JPH1: variants seen among roughly 807,000 people sequenced by gnomAD.
JPH1 encodes junctophilin 1.
JPH1 carries 12 observed loss-of-function variants against 53.6 expected under a neutral mutation model. That is an observed-to-expected ratio of 0.22 (90% CI 0.14 to 0.36). The LOEUF is 0.36. JPH1 is among the 10% of genes least tolerant of loss of function. JPH1 has a pLI of 1.00. For synonymous variants in JPH1, 375 were observed against 363.8 expected (o/e 1.03, Z -0.35); for missense variants, 808 against 905.5 (o/e 0.89, Z 1.38).
intron 3 of JPH1, among the ~76,000 whole-genome samples, chr8:74,254,176 A>T (rs575559660): frequency 6.6e-6 from 1 of 152,234 alleles, no homozygotes; most frequent in African/African-American, 2.4e-5. Context: ...CCAGCAACAC[A>T]TCAAAAAGCT....
At chr8:74,237,120 C>A (rs546213366) in intron 5 of JPH1, 85 bp from the exon 6 acceptor site, 4 of 820,400 alleles carry the variant, frequency 4.9e-6, no homozygotes, top group East Asian at 2.5e-5. Context: ...AAGGACAATA[C>A]GTCATTGTTA....
At chr8:74,317,952 G>C (rs115458768) in intron 1 of JPH1, among the ~76,000 whole-genome samples, 1 of 152,152 alleles carries the variant, frequency 6.6e-6, no homozygotes, top group African/African-American at 2.4e-5. Flanking sequence ...AATAGGGAAG[G>C]GGGGGACAAG....
intron 2 of JPH1, among the ~76,000 whole-genome samples, chr8:74,274,351 C>T (rs1015878246): frequency 5.3e-5 from 8 of 152,242 alleles, no homozygotes; most frequent in East Asian, 1.9e-4. Context: ...CAGCTGAGCA[C>T]GGCTGGAATA....
Position 74,321,177 on chromosome 8 carries a change from C to T in JPH1, c.111G>A (p.Glu37=), listed in dbSNP as rs771172161. ...GICTGPKGQG[E]YSGSWSHGFE... is the part of the protein sequence containing the mutation. ...AGCCGTGCGACCAGGAGCCCGAGTA[C>T]TCGCCCTGGCCCTTGGGCCCCGTGC... The change falls in exon 1 of 6, where the codon GAG becomes GAA. Residue 37 remains glutamate (E), a synonymous_variant. Coordinates refer to ENST00000342232, the MANE Select transcript of JPH1 (RefSeq NM_020647.4). The surrounding 1 kb of genome is among the most constrained non-coding windows in gnomAD (Gnocchi z 4.3). 1 of 1,613,260 alleles carries T rather than the reference C, an allele frequency of 6.2e-7. No individual in the cohort carries two copies. The highest frequency in any genetic ancestry group is 2.2e-5 in the East Asian group (1 of 44,818).
At chr8:74,302,395 C>T (rs946993255) in intron 2 of JPH1, among the ~76,000 whole-genome samples, 6 of 152,176 alleles carry the variant, frequency 3.9e-5, no homozygotes, top group African/African-American at 1.4e-4. Flanking sequence ...ATCTTATGGA[C>T]TCTAGGTAGA....
At chr8:74,302,408 T>A (rs1201250372) in intron 2 of JPH1, among the ~76,000 whole-genome samples, 1 of 152,220 alleles carries the variant, frequency 6.6e-6, no homozygotes, top group East Asian at 1.9e-4. Flanking sequence ...TAGGTAGAAA[T>A]AATTTTTTAA....
intron 2 of JPH1, among the ~76,000 whole-genome samples, chr8:74,307,053 G>T (rs1807858241): frequency 6.6e-6 from 1 of 152,092 alleles, no homozygotes; most frequent in South Asian, 2.1e-4. Flanking sequence ...GCTGGAAATG[G>T]GCTGTTTTGA....
chr8:74,265,125 A>G (rs1449482737), intron 2 of JPH1, among the ~76,000 whole-genome samples: 1 of 151,902 alleles, frequency 6.6e-6, no homozygotes, highest in Non-Finnish European at 1.5e-5. Flanking sequence ...TGGAAAGCAG[A>G]ATAAATAAAT....
intron 2 of JPH1, among the ~76,000 whole-genome samples, chr8:74,281,673 C>T (rs1807020069): frequency 6.6e-6 from 1 of 152,190 alleles, no homozygotes; most frequent in South Asian, 2.1e-4. Flanking sequence ...CAGATTCATT[C>T]TCATCTGTCC....
Position 74,245,192 on chromosome 8 carries a change from G to GA in JPH1, c.1259-18dup. ...AATCAGGGCCTGGCCAAAAAAAAAA[G>GA]AAAAAAGAAAAAAAGAAAGGAGGTA... On this transcript the variant is annotated splice_polypyrimidine_tract_variant and intron_variant, in intron 3 of 5. Coordinates refer to ENST00000342232, the MANE Select transcript of JPH1 (RefSeq NM_020647.4). 6.6e-7 allele frequency: 1 copy of GA among 1,520,734 alleles called. No individual in the cohort carries two copies. Among genetic ancestry groups the GA allele is most frequent in the Non-Finnish European group, 8.7e-7 (1 of 1,146,520 alleles). 94.2% of individuals were successfully genotyped at this position (1,520,734 alleles called of 1,614,324 possible).
intron 3 of JPH1, among the ~76,000 whole-genome samples, chr8:74,258,777 T>C (rs552045202): frequency 6.6e-6 from 1 of 152,350 alleles, no homozygotes; most frequent in South Asian, 2.1e-4. Context: ...TATTTTAGAT[T>C]CTTGTCTAGT....
chr8:74,294,758 C>T (rs1190414492), intron 2 of JPH1, among the ~76,000 whole-genome samples: 3 of 152,226 alleles, frequency 2.0e-5, no homozygotes, highest in African/African-American at 7.2e-5. Context: ...TTGGAAAATG[C>T]TGGTTCAAAT....
At chr8:74,246,325 GCCTTCTACCCCCAAC>G (rs1805859387) in intron 3 of JPH1, among the ~76,000 whole-genome samples, 2 of 151,702 alleles carry the variant, frequency 1.3e-5, no homozygotes, top group South Asian at 4.2e-4. Context: ...TTTCCTTCCT[GCCTTCTACCCCCAAC>G]CCTTCACCCC....
At chr8:74,312,338 A>G (rs1312300689) in intron 2 of JPH1, among the ~76,000 whole-genome samples, 2 of 151,974 alleles carry the variant, frequency 1.3e-5, no homozygotes, top group Non-Finnish European at 2.9e-5. Context: ...TACAGTCTCG[A>G]CCTCTGGGGC....
chr8:74,257,193 T>C (rs745563160), intron 3 of JPH1, among the ~76,000 whole-genome samples: 33 of 152,214 alleles, frequency 2.2e-4, no homozygotes, highest in Non-Finnish European at 3.2e-4. Flanking sequence ...TGGTCTCAAA[T>C]AGACCCGCTG....
intron 3 of JPH1, among the ~76,000 whole-genome samples, chr8:74,249,284 C>T (rs1360571735): frequency 6.6e-6 from 1 of 152,138 alleles, no homozygotes; most frequent in Non-Finnish European, 1.5e-5. Flanking sequence ...CAGCAGTAGT[C>T]ATTAAGTAGA....
At chr8:74,281,089 G>A (rs567277361) in intron 2 of JPH1, among the ~76,000 whole-genome samples, 7 of 152,278 alleles carry the variant, frequency 4.6e-5, no homozygotes, top group African/African-American at 1.7e-4. Flanking sequence ...ATGTTATGGG[G>A]AAATATCTGC....
At chr8:74,284,599 C>A (rs1048761035) in intron 2 of JPH1, among the ~76,000 whole-genome samples, 6 of 152,064 alleles carry the variant, frequency 3.9e-5, no homozygotes, top group Non-Finnish European at 8.8e-5. Flanking sequence ...AACTTTCCTA[C>A]AAAGAATAAA....
At chr8:74,241,120 C>G (rs966405749) in intron 4 of JPH1, among the ~76,000 whole-genome samples, 1 of 152,080 alleles carries the variant, frequency 6.6e-6, no homozygotes, top group Non-Finnish European at 1.5e-5. Context: ...TATACACACA[C>G]ATATATATTT....
Sources: allele counts gnomAD v4.1 joint callset (sites outside exome capture counted in the v4.1 genomes callset), GRCh38; gene constraint gnomAD v4.1.1; non-coding constraint Gnocchi (gnomAD v3.1); transcripts MANE v1.5; gene names NCBI Gene and HGNC (gene_info 2026-07-23, HGNC 2026-07-21).